Variants in MUC4 observed in about 807,000 individuals in gnomAD.
The protein encoded by MUC4 is mucin-4.
A neutral mutation model predicts 257.9 loss-of-function variants in MUC4; 202 were observed. The observed-to-expected ratio is 0.78, with a 90% confidence interval of 0.70 to 0.88. The LOEUF (loss-of-function observed/expected upper bound fraction) is 0.88. Ranked by LOEUF, MUC4 falls within the 40% of genes least tolerant of loss-of-function variation. MUC4 has a pLI of 0.00. For missense variants in MUC4, 5,976 were observed against 6,513.7 expected (o/e 0.92, Z 2.84); for synonymous variants, 2,351 against 2,757.1 (o/e 0.85, Z 4.62).
rs267599751 is a variant in MUC4, at chr3:195,770,273, C to T, written c.13341G>A (p.Trp4447Ter). Residue 4447 changes from tryptophan to a stop codon, truncating the protein, a stop_gained, in exon 6 of 25, where the codon TGG (tryptophan) becomes TGA (stop). Transcript: ENST00000463781. LOFTEE classifies it high-confidence loss of function. ...MTNNGGYKAR[W>*]ALKVTWVNAH... Reference sequence around the variant, plus strand: ...CATTGACCCACGTGACCTTTAGGGCCCACCTGGCCTTGTAGCCCCCGTTGT... The same window carrying T: ...CATTGACCCACGTGACCTTTAGGGCTCACCTGGCCTTGTAGCCCCCGTTGT... The T allele has an allele frequency of 1.2e-6, 2 of 1,613,934 alleles. No homozygotes were observed. The highest frequency in any genetic ancestry group is 1.1e-5 in the South Asian group (1 of 91,060).
intron 3 of MUC4, among the ~76,000 whole-genome samples, chr3:195,776,496 C>A (rs1724775948): frequency 4.8e-5 from 1 of 20,936 alleles, no homozygotes; most frequent in South Asian, 1.3e-3. Flanking sequence ...GCATCCATAC[C>A]TTCCACACCC....
At position 195,766,390 on chromosome 3, in the gene MUC4, G is replaced by GC. The variant is rs576358527; in HGVS notation, c.13618+272dup. ...CCCTGTCCTCACTTCCAGGATCTGGGCCCCCCGAGAGCCCTCTTGGGCTGG... is the reference window on the plus strand; with the variant it reads ...CCCTGTCCTCACTTCCAGGATCTGGGCCCCCCCGAGAGCCCTCTTGGGCTGG... On this transcript the variant is annotated intron_variant, in intron 8 of 24. Transcript: ENST00000463781. Among the ~76,000 whole-genome samples the GC allele has an allele frequency of 2.4e-4, 37 of 152,184 alleles. No individual in the cohort carries two copies. In the East Asian group the frequency reaches 7.2e-3, roughly 29 times the overall value.
rs760105893 is a variant in MUC4, at chr3:195,788,389, G to A, written c.3191C>T (p.Ser1064Leu). Residue 1064 changes from serine to leucine, a missense_variant, in exon 2 of 25, where the codon TCA becomes TTA. Transcript: ENST00000463781. Reference protein sequence around the residue: ...STPLPVTDTSSASTGHVTPLP... With the variant: ...STPLPVTDTSLASTGHVTPLP... ...AGGGGTGACGTGACCTGTGGATGCTGAGGAAGTGTCAGTGACAGGAAGAGG... is the reference window on the plus strand; with the variant it reads ...AGGGGTGACGTGACCTGTGGATGCTAAGGAAGTGTCAGTGACAGGAAGAGG... The A allele has an allele frequency of 5.4e-6, 8 of 1,487,574 alleles. No individual in the cohort carries two copies. The highest frequency in any genetic ancestry group is 3.0e-5 in the African/African-American group (2 of 66,566). 92.1% of individuals were successfully genotyped at this position (1,487,574 alleles called of 1,614,324 possible).
intron 1 of MUC4, among the ~76,000 whole-genome samples, chr3:195,794,001 G>A (rs1734215195): frequency 6.6e-6 from 1 of 151,780 alleles, no homozygotes; most frequent in African/African-American, 2.4e-5. Flanking sequence ...CCAGCATTTT[G>A]GGAGGCCAAG....
intron 6 of MUC4, 24 bp from the exon 7 acceptor site, chr3:195,769,176 C>T (rs1338208520): frequency 6.2e-7 from 1 of 1,613,204 alleles, no homozygotes; most frequent in South Asian, 1.1e-5. Context: ...GAAGAAAACA[C>T]AGGGATGCCC....
At chr3:195,777,794 C>G (rs779252709) in intron 3 of MUC4, among the ~76,000 whole-genome samples, 23 of 58,618 alleles carry the variant, frequency 3.9e-4, no homozygotes, top group Admixed American at 5.7e-4. Context: ...ACCTTCCACA[C>G]CCATACCTTC....
Position 195,765,457 on chromosome 3 carries a change from C to T in MUC4, c.13619-8G>A, listed in dbSNP as rs367546411. ...ACTGCAGCCCTTGGAGGCCTGAGGTCGGGGATGGGGGGGAAAGGGCTTATC... is the reference window on the plus strand; with the variant it reads ...ACTGCAGCCCTTGGAGGCCTGAGGTTGGGGATGGGGGGGAAAGGGCTTATC... On this transcript the variant is annotated splice_polypyrimidine_tract_variant and splice_region_variant and intron_variant, in intron 8 of 24. Transcript: ENST00000463781. The T allele has an allele frequency of 1.3e-4, 207 of 1,607,782 alleles. No individual in the cohort carries two copies. The highest frequency in any genetic ancestry group is 2.3e-4 in the Admixed American group (14 of 59,720).
intron 4 of MUC4, among the ~76,000 whole-genome samples, chr3:195,772,585 T>C (rs1355801791): frequency 2.3e-5 from 3 of 131,620 alleles, no homozygotes; most frequent in African/African-American, 3.1e-5. Context: ...GTAGACACCC[T>C]CTCTCCATCG....
At chr3:195,800,380 T>G (rs867894464) in intron 1 of MUC4, among the ~76,000 whole-genome samples, 5 of 152,140 alleles carry the variant, frequency 3.3e-5, no homozygotes, top group Admixed American at 1.3e-4. Context: ...TTGATTAGAG[T>G]TTCCTGCTGC....
intron 17 of MUC4, 107 bp downstream of exon 17, chr3:195,759,017 T>G: frequency 7.2e-7 from 1 of 1,381,658 alleles, no homozygotes; most frequent in Non-Finnish European, 9.9e-7. Flanking sequence ...AATGAAAGAG[T>G]GACAGCAAGT....
chr3:195,800,340 A>G (rs564837563), intron 1 of MUC4, among the ~76,000 whole-genome samples: 242 of 152,050 alleles, frequency 1.6e-3, no homozygotes, highest in South Asian at 8.9e-3. Flanking sequence ...TTAAATCTTT[A>G]TTTAGAGAAC....
chr3:195,789,294 G>A lies in MUC4; in HGVS notation c.2286C>T (p.Thr762=), dbSNP rs1441762039. 7 of 1,613,948 alleles carry A rather than the reference G, an allele frequency of 4.3e-6. No individual in the cohort carries two copies. Among genetic ancestry groups the A allele is most frequent in the Non-Finnish European group, 5.9e-6 (7 of 1,179,868 alleles). The change falls in exon 2 of 25, where the codon ACC becomes ACT. Residue 762 remains threonine, a synonymous_variant. Transcript: ENST00000463781. The part of the protein sequence containing the change: ...EGQWTSASAS[T]SPDTAAAMTH... ...TCATGGCTGCTGCTGTGTCAGGTGA[G>A]GTGCTGGCAGAGGCTGATGTCCATT...
chr3:195,781,840 G>T lies in MUC4; in HGVS notation c.9740C>A (p.Thr3247Asn). The change falls in exon 2 of 25, where the codon ACC becomes AAC. Residue 3247 changes from threonine to asparagine, a missense_variant. By Grantham distance (65) the Thr-to-Asn change is moderately conservative (BLOSUM62 0). This residue lies in a region of MUC4 where 51 missense variants were observed against 66.9 expected (regional missense o/e 0.76). Coordinates refer to ENST00000463781, the MANE Select transcript of MUC4 (RefSeq NM_018406.7). ...SPSSASTGHATSLPVTDTSSA... is the reference protein window; with the variant it reads ...SPSSASTGHANSLPVTDTSSA... The stretch of plus-strand genomic sequence containing the variant: ...GGAAGTGTCGGTGACAGGAAGAGAG[G>T]TGGCATGACCGGTGGATGCTGAGGA... 9.9e-7 allele frequency: 1 copy of T among 1,005,720 alleles called. No individual in the cohort carries two copies. The highest frequency in any genetic ancestry group is 1.3e-6 in the Non-Finnish European group (1 of 783,370). The allele number at this position is 1,005,720 out of a possible 1,614,324, so 62.3% of individuals were successfully genotyped here.
intron 1 of MUC4, among the ~76,000 whole-genome samples, chr3:195,804,141 C>G (rs1229029043): frequency 6.6e-6 from 1 of 152,216 alleles, no homozygotes; most frequent in Non-Finnish European, 1.5e-5. Context: ...GGCGTTGGCA[C>G]TGAGGTAGAG....
chr3:195,769,257 A>C, intron 6 of MUC4, 105 bp from the exon 7 acceptor site: 1 of 1,489,576 alleles, frequency 6.7e-7, no homozygotes, highest in South Asian at 1.3e-5. Flanking sequence ...CACGCACAGC[A>C]CCTGTTCCTG....
rs563300980 is a variant in MUC4 at position 195,780,894 on chromosome 3, G to A, written c.10686C>T (p.Ser3562=). Residue 3562 remains serine (S), a synonymous_variant, in exon 2 of 25, where the codon TCC becomes TCT. Coordinates refer to ENST00000463781, the MANE Select transcript of MUC4 (RefSeq NM_018406.7). ...CAGGAAGAGGGGTGGCCTGACCTGT[G>A]GATGCCGAGGAAGCGTCGGTGACAG... The part of the protein sequence containing the change: ...PLPVTDASSA[S]TGQATPLPVT... 1 of 1,510,202 alleles carries A rather than the reference G, an allele frequency of 6.6e-7. No individual in the cohort carries two copies. The highest frequency in any genetic ancestry group is 8.9e-7 in the Non-Finnish European group (1 of 1,124,400). 93.6% of individuals were successfully genotyped at this position (1,510,202 alleles called of 1,614,324 possible).
chr3:195,794,513 C>T (rs936686401), intron 1 of MUC4, among the ~76,000 whole-genome samples: 3 of 152,172 alleles, frequency 2.0e-5, no homozygotes, highest in Admixed American at 1.3e-4. Flanking sequence ...CAGGCACACA[C>T]AACCATGCCT....
intron 19 of MUC4, chr3:195,753,860 C>T (rs149354361): frequency 7.8e-5 from 21 of 269,224 alleles, no homozygotes; most frequent in African/African-American, 1.8e-4. Context: ...CCAGCTTGCC[C>T]GGTTCTCTGG....
Position 195,751,103 on chromosome 3 carries a change from T to C in MUC4, c.15657A>G (p.Ala5219=). 2 of 1,451,170 alleles carry C rather than the reference T, an allele frequency of 1.4e-6. No individual in the cohort carries two copies. Among genetic ancestry groups the C allele is most frequent in the Non-Finnish European group, 1.8e-6 (2 of 1,096,238 alleles). The allele number at this position is 1,451,170 out of a possible 1,614,324, so 89.9% of individuals were successfully genotyped here. The change falls in exon 23 of 25, where the codon GCA becomes GCG. Residue 5219 remains alanine (A), a synonymous_variant. Coordinates refer to ENST00000463781, the MANE Select transcript of MUC4 (RefSeq NM_018406.7). ...RNSQVERIDS[A]APASGSPIQH... is the part of the protein sequence containing the mutation. Reference sequence around the variant, plus strand: ...GGATGGGGCTTCCCGAGGCCGGTGCTGCAGAATCGCTGTGTGGGAGGGCAA... The same window carrying C: ...GGATGGGGCTTCCCGAGGCCGGTGCCGCAGAATCGCTGTGTGGGAGGGCAA...
Sources: allele counts gnomAD v4.1 joint callset (sites outside exome capture counted in the v4.1 genomes callset), GRCh38; gene constraint gnomAD v4.1.1; regional missense constraint gnomAD v4.1.1; transcripts MANE v1.5; gene names NCBI Gene and HGNC (gene_info 2026-07-23, HGNC 2026-07-21).